Variants in MAGI1 observed in about 807,000 individuals in gnomAD.
The protein encoded by MAGI1 is membrane-associated guanylate kinase, WW and PDZ domain-containing protein 1.
Under a neutral mutation model 139.9 loss-of-function variants are expected in MAGI1, and 58 were observed. The observed-to-expected ratio is 0.41, with a 90% CI of 0.34 to 0.52. MAGI1 has a LOEUF of 0.52. Among genes scored for constraint, MAGI1 ranks in the 20% least tolerant of loss-of-function variants. The pLI is 0.12. For synonymous variants in MAGI1, 812 were observed against 737.9 expected (o/e 1.10, Z -1.63); for missense variants, 1,874 against 1,901.6 (o/e 0.99, Z 0.27).
intron 1 of MAGI1, among the ~76,000 whole-genome samples, chr3:65,658,442 C>G (rs1209236508): frequency 6.6e-6 from 1 of 152,232 alleles, no homozygotes. Context: ...TTCTCCAACA[C>G]AGTGTATAAG....
At chr3:65,679,475 A>G (rs2087423879) in intron 1 of MAGI1, among the ~76,000 whole-genome samples, 1 of 152,144 alleles carries the variant, frequency 6.6e-6, no homozygotes, top group South Asian at 2.1e-4. Context: ...AGGCACAAGA[A>G]TTCATTGAAC....
intron 1 of MAGI1, among the ~76,000 whole-genome samples, chr3:65,753,232 C>G (rs113840987): frequency 0.019 from 2,896 of 152,220 alleles, 84 homozygotes; most frequent in African/African-American, 0.065. Context: ...TACACACACT[C>G]AGCTCACTTT....
intron 1 of MAGI1, among the ~76,000 whole-genome samples, chr3:65,927,934 A>G (rs1336610415): frequency 6.6e-6 from 1 of 152,228 alleles, no homozygotes; most frequent in African/African-American, 2.4e-5. Context: ...ATCAAGAATG[A>G]TGAGTATCTG....
chr3:65,401,869 A>G, intron 12 of MAGI1: 1 of 985,288 alleles, frequency 1.0e-6, no homozygotes, highest in East Asian at 1.1e-4. Flanking sequence ...ATTGAAACGG[A>G]CCAATCAGGA....
At chr3:65,923,536 C>A (rs916853717) in intron 1 of MAGI1, among the ~76,000 whole-genome samples, 2 of 151,980 alleles carry the variant, frequency 1.3e-5, no homozygotes, top group Non-Finnish European at 2.9e-5. Context: ...CAATAAACAT[C>A]TTAAATAATA....
rs946752206 is a variant in MAGI1, at chr3:65,392,718, C to T, written c.2200-1360G>A. On this transcript the variant is annotated intron_variant, in intron 13 of 22. Transcript: ENST00000402939. ...TCAGGTCCCTATACTTCCTCTCCTT[C>T]CAGTAATTGCTTTGAAACAAGTATC... is the stretch of plus-strand genomic sequence containing the variant. 7.2e-5 allele frequency among the ~76,000 whole-genome samples: 11 copies of T among 152,278 alleles called. No individual in the cohort carries two copies. The South Asian group carries it at 2.3e-3, about 32-fold the overall frequency.
intron 14 of MAGI1, among the ~76,000 whole-genome samples, chr3:65,388,178 G>C (rs1043887025): frequency 1.1e-4 from 16 of 152,118 alleles, no homozygotes; most frequent in African/African-American, 3.9e-4. Flanking sequence ...AATTCAGACT[G>C]ATTCATTCTA....
intron 12 of MAGI1, among the ~76,000 whole-genome samples, chr3:65,407,306 G>A (rs539553288): frequency 3.9e-5 from 6 of 152,154 alleles, no homozygotes; most frequent in South Asian, 2.1e-4. Flanking sequence ...AATTAGCTGG[G>A]TGTGGTGGCA....
intron 1 of MAGI1, among the ~76,000 whole-genome samples, chr3:65,996,105 C>T (rs2066434673): frequency 6.6e-6 from 1 of 152,160 alleles, no homozygotes; most frequent in Admixed American, 6.5e-5. Flanking sequence ...GAATCTACGA[C>T]CCACCATTCA....
chr3:66,011,278 C>T (rs1560108712), intron 1 of MAGI1, among the ~76,000 whole-genome samples: 2 of 152,106 alleles, frequency 1.3e-5, no homozygotes, highest in African/African-American at 2.4e-5. Flanking sequence ...ATTCTTTTCT[C>T]GACAACAAAC....
intron 1 of MAGI1, among the ~76,000 whole-genome samples, chr3:65,896,170 C>T (rs1179206965): frequency 1.3e-5 from 2 of 152,136 alleles, no homozygotes; most frequent in Non-Finnish European, 2.9e-5. Context: ...AATGTTCCCA[C>T]TCACTTTAAA....
intron 13 of MAGI1, among the ~76,000 whole-genome samples, chr3:65,395,197 G>A (rs1336984918): frequency 1.3e-5 from 2 of 152,112 alleles, no homozygotes; most frequent in Non-Finnish European, 2.9e-5. Context: ...TGGTACCTGA[G>A]CTCTTGAAAT....
intron 1 of MAGI1, among the ~76,000 whole-genome samples, chr3:65,829,668 T>C (rs1464088473): frequency 6.6e-6 from 1 of 152,216 alleles, no homozygotes; most frequent in Non-Finnish European, 1.5e-5. Context: ...TGCTTACAAA[T>C]GTTTTTTAAT....
intron 1 of MAGI1, among the ~76,000 whole-genome samples, chr3:65,985,045 G>C (rs2107309245): frequency 6.6e-6 from 1 of 152,236 alleles, no homozygotes; most frequent in South Asian, 2.1e-4. Context: ...CCCCAGCTTT[G>C]GTACTGATGT....
chr3:65,497,836 T>C (rs116234346), intron 2 of MAGI1, among the ~76,000 whole-genome samples: 1 of 152,290 alleles, frequency 6.6e-6, no homozygotes, highest in African/African-American at 2.4e-5. Context: ...AGATCCCATT[T>C]TTCCATGTAA....
At chr3:65,901,092 A>G (rs187497526) in intron 1 of MAGI1, among the ~76,000 whole-genome samples, 2 of 152,362 alleles carry the variant, frequency 1.3e-5, no homozygotes, top group East Asian at 3.9e-4. Context: ...TATGCTTCAG[A>G]TACCCTTACA....
At chr3:65,864,749 C>T (rs1465070489) in intron 1 of MAGI1, among the ~76,000 whole-genome samples, 5 of 152,180 alleles carry the variant, frequency 3.3e-5, no homozygotes, top group Admixed American at 2.6e-4. Flanking sequence ...CATGGCCATT[C>T]GACAGAAATA....
At chr3:65,579,867 C>G (rs1056264003) in intron 2 of MAGI1, among the ~76,000 whole-genome samples, 3 of 151,000 alleles carry the variant, frequency 2.0e-5, no homozygotes, top group Non-Finnish European at 4.4e-5. Context: ...AAAAAACTCG[C>G]TCAGTATCAT....
At chr3:65,565,579 G>C (rs757172387) in intron 2 of MAGI1, among the ~76,000 whole-genome samples, 1 of 152,000 alleles carries the variant, frequency 6.6e-6, no homozygotes, top group African/African-American at 2.4e-5. Context: ...GCTTATGGTC[G>C]GGCACGGTGA....
Sources: allele counts gnomAD v4.1 joint callset (sites outside exome capture counted in the v4.1 genomes callset), GRCh38; gene constraint gnomAD v4.1.1; transcripts MANE v1.5; gene names NCBI Gene and HGNC (gene_info 2026-07-23, HGNC 2026-07-21).